Variants in DYNC2I1 observed in about 807,000 individuals in gnomAD.
DYNC2I1 encodes dynein 2 intermediate chain 1.
DYNC2I1 carries 89 observed loss-of-function variants against 133.4 expected under a neutral mutation model. That is an observed-to-expected ratio of 0.67 (90% CI 0.56 to 0.80). DYNC2I1 has a LOEUF of 0.80. Among genes scored for constraint, DYNC2I1 ranks in the 30% least tolerant of loss-of-function variants. DYNC2I1 has a pLI of 0.00. For missense variants in DYNC2I1, 1,291 were observed against 1,314.5 expected, an observed-to-expected ratio of 0.98 and a Z score of 0.28; for synonymous variants, 504 against 484.3, an observed-to-expected ratio of 1.04 and a Z score of -0.54.
the DYNC2I1 span, among the ~76,000 whole-genome samples, chr7:158,843,598 G>C: frequency 6.6e-6 from 1 of 152,036 alleles, no homozygotes; most frequent in Admixed American, 6.6e-5. Context: ...GTTTTGCTAT[G>C]TTGGTCAGGC....
Position 158,940,490 on chromosome 7 carries a change from G to A in DYNC2I1, c.2779-1435G>A, listed in dbSNP as rs28770291. On this transcript the variant is annotated intron_variant, in intron 23 of 24. Coordinates refer to ENST00000407559, the MANE Select transcript of DYNC2I1 (RefSeq NM_018051.5). The stretch of plus-strand genomic sequence containing the variant: ...GGGGACCCCTGCACTAGACCAAATA[G>A]GCCTAACATTTACAGAATATTTCTC... 7.3e-3 allele frequency among the ~76,000 whole-genome samples: 1,109 copies of A among 152,218 alleles called. 9 individuals are homozygous for A. Among genetic ancestry groups the A allele is most frequent in the African/African-American group, 0.021 (855 of 41,532 alleles).
intron 1 of DYNC2I1, among the ~76,000 whole-genome samples, chr7:158,864,028 C>T (rs1056114225): frequency 1.5e-4 from 19 of 126,254 alleles, no homozygotes; most frequent in African/African-American, 5.8e-4. Context: ...ACGTCCTTAG[C>T]TCTGGGTGTG....
intron 11 of DYNC2I1, among the ~76,000 whole-genome samples, chr7:158,908,414 C>CA (rs1202495778): frequency 1.3e-5 from 2 of 151,974 alleles, no homozygotes; most frequent in Non-Finnish European, 2.9e-5. Flanking sequence ...CTGCAAGGTA[C>CA]AATTGTCTGT....
At chr7:158,845,006 T>G in the DYNC2I1 span, among the ~76,000 whole-genome samples, 1 of 152,082 alleles carries the variant, frequency 6.6e-6, no homozygotes, top group Non-Finnish European at 1.5e-5. Flanking sequence ...CCCCCAACCA[T>G]CTAGATGGAC....
intron 14 of DYNC2I1, among the ~76,000 whole-genome samples, chr7:158,918,026 C>T (rs1468530139): frequency 6.6e-6 from 1 of 152,124 alleles, no homozygotes; most frequent in Non-Finnish European, 1.5e-5. Context: ...CACTCTCACA[C>T]AGTCAGCTCT....
chr7:158,884,441 C>G, intron 5 of DYNC2I1, 123 bp from the exon 6 acceptor site: 1 of 720,426 alleles, frequency 1.4e-6, no homozygotes, highest in Admixed American at 3.2e-5. Flanking sequence ...TTAAAAGGTA[C>G]TTGTGATGTA....
chr7:158,884,831 G>C (rs752868064), intron 6 of DYNC2I1, among the ~76,000 whole-genome samples: 19 of 152,074 alleles, frequency 1.2e-4, no homozygotes, highest in Admixed American at 2.6e-4. Flanking sequence ...TATATTATTA[G>C]CTTTCTTTGG....
At chr7:158,907,676 C>T (rs1275590335) in intron 11 of DYNC2I1, among the ~76,000 whole-genome samples, 1 of 152,044 alleles carries the variant, frequency 6.6e-6, no homozygotes, top group Non-Finnish European at 1.5e-5. Flanking sequence ...GTGGCATGAT[C>T]TTGGTTTGCT....
intron 1 of DYNC2I1, among the ~76,000 whole-genome samples, chr7:158,863,162 T>G (rs781354888): frequency 3.3e-4 from 50 of 150,440 alleles, no homozygotes; most frequent in Non-Finnish European, 6.4e-4. Context: ...TATTTGGCCC[T>G]GCCCACATCG....
chr7:158,930,771 C>T (rs919965063), intron 21 of DYNC2I1, among the ~76,000 whole-genome samples: 3 of 152,056 alleles, frequency 2.0e-5, no homozygotes, highest in African/African-American at 4.8e-5. Context: ...CTGGTTCAAG[C>T]GATTCTCCTG....
intron 3 of DYNC2I1, among the ~76,000 whole-genome samples, chr7:158,874,607 C>T (rs1308135634): frequency 6.6e-6 from 1 of 152,154 alleles, no homozygotes; most frequent in African/African-American, 2.4e-5. Context: ...CATCTCTTCT[C>T]ATCTCCTTTC....
rs142705180 is a variant in DYNC2I1, at chr7:158,956,150, G to A, written c.*57-433G>A. On this transcript the variant is annotated intron_variant and NMD_transcript_variant, in intron 4 of 4. Transcript: ENST00000454771. ...AGGCGGCCAGAAGTGGCCGGCAGCT[G>A]TAGAGAGAGTTTTCCTGGGACACAG... Among the ~76,000 whole-genome samples, 1,337 of 152,376 alleles carry A rather than the reference G, an allele frequency of 8.8e-3. 10 individuals carry two copies. The highest frequency in any genetic ancestry group is 0.014 in the South Asian group (68 of 4,832).
downstream of DYNC2I1, among the ~76,000 whole-genome samples, chr7:158,950,879 C>T (rs1047969992): frequency 6.6e-6 from 1 of 151,812 alleles, no homozygotes; most frequent in Non-Finnish European, 1.5e-5. Context: ...TGCACCGGGA[C>T]CAGCCTCTAT....
upstream of DYNC2I1, among the ~76,000 whole-genome samples, chr7:158,851,826 G>A (rs1011203512): frequency 6.6e-6 from 1 of 152,170 alleles, no homozygotes; most frequent in Non-Finnish European, 1.5e-5. Context: ...CCTCTAAAGA[G>A]CACCAGGCTA....
intron 16 of DYNC2I1, 108 bp from the exon 17 acceptor site, chr7:158,923,462 TC>T: frequency 6.8e-7 from 1 of 1,467,700 alleles, no homozygotes; most frequent in South Asian, 1.2e-5. Flanking sequence ...TGCAGGTGAC[TC>T]CCGTGCAAAG....
intron 21 of DYNC2I1, among the ~76,000 whole-genome samples, chr7:158,932,756 CAG>C (rs1491178518): frequency 6.6e-6 from 1 of 152,112 alleles, no homozygotes; most frequent in East Asian, 1.9e-4. Context: ...CATGAACAAC[CAG>C]GATCTGAACA....
the DYNC2I1 span, among the ~76,000 whole-genome samples, chr7:158,847,923 C>T: frequency 6.6e-6 from 1 of 152,190 alleles, no homozygotes; most frequent in East Asian, 1.9e-4. Flanking sequence ...AGATTGGTGT[C>T]ATCAGCTTCT....
intron 17 of DYNC2I1, 123 bp downstream of exon 17, chr7:158,923,856 A>T (rs1182840560): frequency 7.8e-7 from 1 of 1,287,432 alleles, no homozygotes; most frequent in Non-Finnish European, 1.0e-6. Context: ...GGTCTGACCC[A>T]TGGGCAAAAG....
intron 20 of DYNC2I1, among the ~76,000 whole-genome samples, chr7:158,929,521 G>A (rs1243179584): frequency 1.3e-5 from 2 of 152,226 alleles, no homozygotes; most frequent in African/African-American, 4.8e-5. Context: ...CTGCCCACAG[G>A]CGGTGGCGTG....
Sources: allele counts gnomAD v4.1 joint callset (sites outside exome capture counted in the v4.1 genomes callset), GRCh38; gene constraint gnomAD v4.1.1; transcripts MANE v1.5; gene names NCBI Gene and HGNC (gene_info 2026-07-23, HGNC 2026-07-21).